The following BMPER variants were observed in gnomAD, a reference collection of about 807,000 sequenced individuals.
BMPER encodes the protein BMP binding endothelial regulator.
BMPER carries 45 observed loss-of-function variants against 87.3 expected under a neutral mutation model. The ratio of observed to expected loss-of-function variants is 0.52; its 90% CI spans 0.41 to 0.66. The LOEUF is 0.66. Among genes scored for constraint, BMPER ranks in the 30% least tolerant of loss-of-function variants. The pLI is 0.00. For synonymous variants in BMPER, 326 were observed against 316.2 expected, an observed-to-expected ratio of 1.03 and a Z score of -0.33; for missense variants, 784 against 867.5, an observed-to-expected ratio of 0.90 and a Z score of 1.21.
intron 13 of BMPER, among the ~76,000 whole-genome samples, chr7:34,087,115 G>A (rs1014962694): frequency 5.9e-5 from 9 of 152,084 alleles, no homozygotes; most frequent in South Asian, 4.1e-4. Context: ...AAGGCGGCTC[G>A]AAGTGGGGTG....
At chr7:33,923,094 C>G (rs558725472) in intron 2 of BMPER, among the ~76,000 whole-genome samples, 1 of 152,162 alleles carries the variant, frequency 6.6e-6, no homozygotes, top group African/African-American at 2.4e-5. Context: ...AGACTCTTCC[C>G]TAGATCCTTG....
intron 6 of BMPER, among the ~76,000 whole-genome samples, chr7:34,044,154 C>T (rs1037845198): frequency 2.6e-5 from 4 of 152,174 alleles, no homozygotes; most frequent in Non-Finnish European, 1.5e-5. Context: ...GTTACTTTAA[C>T]GGACTCTTGG....
At chr7:34,001,215 A>G (rs1786571607) in intron 6 of BMPER, among the ~76,000 whole-genome samples, 1 of 151,862 alleles carries the variant, frequency 6.6e-6, no homozygotes, top group Non-Finnish European at 1.5e-5. Context: ...CTCTACTCTT[A>G]TTTTTTGGAA....
intron 13 of BMPER, among the ~76,000 whole-genome samples, chr7:34,125,229 C>T (rs1172525114): frequency 1.3e-5 from 2 of 152,096 alleles, no homozygotes; most frequent in Non-Finnish European, 2.9e-5. Flanking sequence ...TGGGTAATGC[C>T]ATTTCAGGGC....
intron 13 of BMPER, among the ~76,000 whole-genome samples, chr7:34,098,272 C>T (rs962425935): frequency 1.3e-5 from 2 of 152,002 alleles, no homozygotes; most frequent in Admixed American, 1.3e-4. Context: ...GAAATGAAGC[C>T]CAGTATTCCT....
chr7:33,940,026 G>GTTT (rs149536464), intron 3 of BMPER: 4 of 240,268 alleles, frequency 1.7e-5, no homozygotes, highest in East Asian at 1.1e-4. Context: ...ATTTTGGTGA[G>GTTT]TTTTTTTTTT....
intron 6 of BMPER, 65 bp from the exon 7 acceptor site, chr7:34,046,241 C>G: frequency 4.7e-6 from 7 of 1,474,298 alleles, no homozygotes; most frequent in Non-Finnish European, 6.6e-6. Context: ...TTCTAGATAT[C>G]TTGGTTGTAC....
At chr7:33,993,725 C>T (rs1248489292) in intron 6 of BMPER, among the ~76,000 whole-genome samples, 1 of 152,136 alleles carries the variant, frequency 6.6e-6, no homozygotes, top group Non-Finnish European at 1.5e-5. Context: ...TTTTTCTGTT[C>T]TGTTTTTTTC....
chr7:33,991,406 A>G (rs949924718), intron 6 of BMPER, among the ~76,000 whole-genome samples: 28 of 151,996 alleles, frequency 1.8e-4, no homozygotes, highest in African/African-American at 6.5e-4. Flanking sequence ...ATTTGCGTAG[A>G]GGTGTTTGTA....
In BMPER at chr7:34,095,927, CTT is replaced by C. The variant is rs557703838; in HGVS notation, c.1745+9845_1745+9846del. ...AAAGGATCTAACGCTTCTGAATTTCCTTTTTTTTTTTCATTATGAAATAGAGA... is the reference window on the plus strand; with the variant it reads ...AAAGGATCTAACGCTTCTGAATTTCCTTTTTTTTTCATTATGAAATAGAGA... On this transcript the variant is annotated intron_variant, in intron 13 of 14. Coordinates refer to ENST00000649409, the MANE Select transcript of BMPER (RefSeq NM_001365308.1). Among the ~76,000 whole-genome samples, 218 of 147,452 alleles carry C rather than the reference CTT, an allele frequency of 1.5e-3. 1 individual carries two copies. The highest frequency in any genetic ancestry group is 5.2e-3 in the African/African-American group (210 of 40,546).
chr7:33,906,841 G>A lies in BMPER; in HGVS notation c.157G>A (p.Glu53Lys). 1 of 1,613,860 alleles carries A rather than the reference G, an allele frequency of 6.2e-7. No individual in the cohort carries two copies. Among genetic ancestry groups the A allele is most frequent in the Non-Finnish European group, 8.5e-7 (1 of 1,179,868 alleles). Residue 53 changes from glutamate to lysine, a missense_variant, in exon 2 of 15, where the codon GAA becomes AAA. Glu to Lys is a moderately conservative substitution (Grantham distance 56). Transcript: ENST00000649409. ...LTGSVAKCEN[E>K]GEVLQIPFIT... ...AGGTTCTGTTGCAAAATGTGAAAAT[G>A]AAGGTGAAGTCCTCCAGATTCCATT...
intron 1 of BMPER, 78 bp downstream of exon 1, chr7:33,905,824 G>A (rs1783799106): frequency 1.5e-6 from 2 of 1,290,368 alleles, no homozygotes; most frequent in Non-Finnish European, 2.2e-6. Context: ...GGCTTGCCCC[G>A]GGGATGGGAG....
chr7:33,935,075 A>T (rs1445996047), intron 2 of BMPER, among the ~76,000 whole-genome samples: 1 of 152,228 alleles, frequency 6.6e-6, no homozygotes, highest in African/African-American at 2.4e-5. Context: ...ATGTCTCTTT[A>T]TTTTGAATGG....
At chr7:33,978,737 C>T (rs1392012219) in intron 6 of BMPER, among the ~76,000 whole-genome samples, 2 of 152,194 alleles carry the variant, frequency 1.3e-5, no homozygotes, top group African/African-American at 2.4e-5. Flanking sequence ...GCGTTTAACA[C>T]ACCTAACCTA....
At chr7:33,920,131 C>G (rs561912545) in intron 2 of BMPER, among the ~76,000 whole-genome samples, 1 of 152,158 alleles carries the variant, frequency 6.6e-6, no homozygotes, top group Admixed American at 6.5e-5. Flanking sequence ...TTCTGTTGCC[C>G]GATCTATCCC....
At chr7:34,127,390 T>C (rs1053001892) in intron 13 of BMPER, among the ~76,000 whole-genome samples, 4 of 152,158 alleles carry the variant, frequency 2.6e-5, no homozygotes, top group Admixed American at 2.6e-4. Flanking sequence ...TCCCCAGCTG[T>C]GTGTTTAGTG....
intron 12 of BMPER, among the ~76,000 whole-genome samples, chr7:34,083,217 G>A (rs1018686857): frequency 3.9e-5 from 6 of 152,136 alleles, no homozygotes; most frequent in Non-Finnish European, 5.9e-5. Flanking sequence ...AATAGAATTC[G>A]TTTTCTATGA....
chr7:34,024,555 C>T (rs946189375), intron 6 of BMPER, among the ~76,000 whole-genome samples: 1 of 149,018 alleles, frequency 6.7e-6, no homozygotes, highest in African/African-American at 2.5e-5. Flanking sequence ...CATAGGTGAC[C>T]AATTCCAATG....
chr7:33,945,620 C>T (rs1487855524), intron 3 of BMPER, among the ~76,000 whole-genome samples: 1 of 152,106 alleles, frequency 6.6e-6, no homozygotes, highest in African/African-American at 2.4e-5. Context: ...ATCCATCTGT[C>T]TGTCCATGTA....
Sources: allele counts gnomAD v4.1 joint callset (sites outside exome capture counted in the v4.1 genomes callset), GRCh38; gene constraint gnomAD v4.1.1; transcripts MANE v1.5; gene names NCBI Gene and HGNC (gene_info 2026-07-23, HGNC 2026-07-21).